Variants in PCDH11X observed in about 807,000 individuals in gnomAD.
PCDH11X encodes protocadherin-11 X-linked.
PCDH11X carries 18 observed loss-of-function variants against 53.3 expected under a neutral mutation model. That is an observed-to-expected ratio of 0.34 (90% CI 0.23 to 0.50). The LOEUF is 0.50. PCDH11X is among the 20% of genes least tolerant of loss of function. PCDH11X has a pLI of 0.98. For missense variants in PCDH11X, 570 were observed against 1,032.4 expected, an observed-to-expected ratio of 0.55 and a Z score of 6.14; for synonymous variants, 279 against 393.3, an observed-to-expected ratio of 0.71 and a Z score of 3.44.
In PCDH11X at chrX:92,185,089, T is replaced by A. The variant is rs756381565; in HGVS notation, c.3034-16286T>A. Among the ~76,000 whole-genome samples the A allele has an allele frequency of 1.1e-4, 12 of 110,003 alleles. 1 individual carries two copies. The highest frequency in any genetic ancestry group is 9.3e-3 in the Middle Eastern group (2 of 215). On this transcript the variant is annotated intron_variant, in intron 6 of 10. Transcript: ENST00000682573. ...TATGTAATTTAACATATTAACAATA[T>A]GATATAACTGGGGCTATTTCATTGC...
Position 92,620,270 on chromosome X carries a change from CAG to C in PCDH11X, c.*1331_*1332del, listed in dbSNP as rs1294170405. ...AAATATATTCTTCTAAGCAAAGAAA[CAG>C]TACTATTCATAGAAAACATTAGTTT... On this transcript the variant is annotated 3_prime_UTR_variant, in exon 11 of 11. Transcript: ENST00000682573. 1.8e-5 allele frequency: 2 copies of C among 110,802 alleles called. No individual in the cohort carries two copies. Among genetic ancestry groups the C allele is most frequent in the Non-Finnish European group, 3.8e-5 (2 of 52,865 alleles). 9.1% of individuals were successfully genotyped at this position (110,802 alleles called of 1,213,427 possible).
chrX:92,518,614 G>T (rs1025114837), intron 10 of PCDH11X, among the ~76,000 whole-genome samples: 43 of 110,950 alleles, frequency 3.9e-4, no homozygotes, highest in African/African-American at 1.4e-3. Flanking sequence ...ACAAAAGGTA[G>T]AATAATCAGG....
intron 6 of PCDH11X, among the ~76,000 whole-genome samples, chrX:92,006,114 G>A (rs752606121): frequency 1.8e-5 from 2 of 109,085 alleles, no homozygotes; most frequent in Non-Finnish European, 3.8e-5. Flanking sequence ...CTTTATGTTC[G>A]ATTTCTTTCT....
intron 6 of PCDH11X, among the ~76,000 whole-genome samples, chrX:91,944,110 A>G (rs1207482044): frequency 1.1e-5 from 1 of 88,113 alleles, no homozygotes; most frequent in Non-Finnish European, 2.2e-5. Flanking sequence ...AAAAGCTTTT[A>G]GTATACAACT....
intron 8 of PCDH11X, among the ~76,000 whole-genome samples, chrX:92,357,207 T>G (rs1328677697): frequency 9.0e-6 from 1 of 111,105 alleles, no homozygotes; most frequent in Non-Finnish European, 1.9e-5. Context: ...ATTCCTGATT[T>G]CTCCTTGCTT....
chrX:91,999,266 G>A (rs1484505535), intron 6 of PCDH11X, among the ~76,000 whole-genome samples: 1 of 111,304 alleles, frequency 9.0e-6, no homozygotes, highest in East Asian at 2.8e-4. Context: ...CAGTTAACTG[G>A]TATGTTGGCA....
intron 10 of PCDH11X, among the ~76,000 whole-genome samples, chrX:92,604,965 T>G (rs1926633902): frequency 1.1e-5 from 1 of 94,540 alleles, no homozygotes; most frequent in African/African-American, 4.8e-5. Flanking sequence ...AAGAGAGAAA[T>G]AGACACTTCA....
At chrX:92,168,574 C>A (rs1211999907) in intron 6 of PCDH11X, among the ~76,000 whole-genome samples, 1 of 109,475 alleles carries the variant, frequency 9.1e-6, no homozygotes, top group South Asian at 3.9e-4. Context: ...ACACGAAAAA[C>A]CCCCAACTAT....
At chrX:92,420,952 C>G (rs749669180) in intron 9 of PCDH11X, among the ~76,000 whole-genome samples, 4 of 111,576 alleles carry the variant, frequency 3.6e-5, no homozygotes, top group African/African-American at 9.8e-5. Flanking sequence ...GATTTTCCCA[C>G]TGTTTCCTGA....
chrX:91,845,480 A>T (rs1345060474), intron 5 of PCDH11X, among the ~76,000 whole-genome samples: 1 of 108,621 alleles, frequency 9.2e-6, no homozygotes, highest in Non-Finnish European at 1.9e-5. Context: ...TTGAAGAAGT[A>T]ACAATGACCA....
At chrX:91,869,552 T>C (rs984023445) in intron 5 of PCDH11X, among the ~76,000 whole-genome samples, 2 of 111,186 alleles carry the variant, frequency 1.8e-5, no homozygotes, top group African/African-American at 6.5e-5. Context: ...GAATATACTA[T>C]ATTTTTGTTA....
At chrX:91,950,605 T>TAA (rs2061628331) in intron 6 of PCDH11X, among the ~76,000 whole-genome samples, 1 of 102,912 alleles carries the variant, frequency 9.7e-6, no homozygotes, top group Non-Finnish European at 2.0e-5. Context: ...TATATATATA[T>TAA]ATACACACAC....
intron 9 of PCDH11X, among the ~76,000 whole-genome samples, chrX:92,447,463 T>A (rs1414742059): frequency 9.0e-6 from 1 of 111,523 alleles, no homozygotes; most frequent in African/African-American, 3.3e-5. Context: ...GCTCGAGTCA[T>A]GGCTTCAAAG....
intron 7 of PCDH11X, among the ~76,000 whole-genome samples, chrX:92,208,607 CT>C (rs1429384612): frequency 1.1e-5 from 1 of 91,690 alleles, no homozygotes; most frequent in African/African-American, 4.1e-5. Flanking sequence ...AGAAGAACAC[CT>C]GCATATATTT....
At chrX:91,902,618 C>G (rs1346433372) in intron 6 of PCDH11X, among the ~76,000 whole-genome samples, 2 of 109,675 alleles carry the variant, frequency 1.8e-5, no homozygotes, top group Non-Finnish European at 3.8e-5. Flanking sequence ...CAGTCCTGGT[C>G]TCTCACCTGA....
chrX:92,489,281 G>T (rs2073709018), intron 10 of PCDH11X, among the ~76,000 whole-genome samples: 1 of 109,275 alleles, frequency 9.2e-6, no homozygotes, highest in Non-Finnish European at 1.9e-5. Flanking sequence ...AAGAAAACAA[G>T]GCATGGAGGT....
chrX:92,064,180 T>C (rs1231256029), intron 6 of PCDH11X, among the ~76,000 whole-genome samples: 1 of 104,186 alleles, frequency 9.6e-6, no homozygotes, highest in Non-Finnish European at 2.0e-5. Flanking sequence ...CCTGTGTCCA[T>C]GCTTGCACTT....
In PCDH11X at chrX:92,084,416, G is replaced by A. The variant is rs755090730; in HGVS notation, c.3034-116959G>A. On this transcript the variant is annotated intron_variant, in intron 6 of 10. Coordinates refer to ENST00000682573, the MANE Select transcript of PCDH11X (RefSeq NM_032968.5). ...TACAAAATTAGCCGGGTGTGGTGGC[G>A]CATGCCTGTAATCCCTGCTACTAGG... 5.5e-4 allele frequency among the ~76,000 whole-genome samples: 59 copies of A among 108,245 alleles called. 1 individual carries two copies. In the Admixed American group the frequency reaches 5.6e-3, roughly 10 times the overall value. 94.0% of individuals were successfully genotyped at this position (108,245 alleles called of 115,157 possible).
Position 92,287,617 on chromosome X carries a change from C to G in PCDH11X, c.3144+24474C>G, listed in dbSNP as rs983723692. Among the ~76,000 whole-genome samples the G allele has an allele frequency of 2.7e-5, 3 of 112,082 alleles. No individual in the cohort carries two copies. In the Admixed American group the frequency reaches 2.9e-4, roughly 11 times the overall value. Reference sequence around the variant, plus strand: ...ACGATCCAGCATTATTTGGACATTACCTGGAACCTAGAATTTTCTTCCTTT... The same window carrying G: ...ACGATCCAGCATTATTTGGACATTAGCTGGAACCTAGAATTTTCTTCCTTT... On this transcript the variant is annotated intron_variant, in intron 8 of 10. Transcript: ENST00000682573.
Sources: gnomAD v4.1 joint callset for allele counts (sites outside exome capture counted in the v4.1 genomes callset) on GRCh38, gnomAD v4.1.1 for gene constraint, MANE v1.5 for transcripts, NCBI Gene and HGNC (gene_info 2026-07-23, HGNC 2026-07-21) for gene names.